The following PCDH15 variants were observed in gnomAD, a reference collection of about 807,000 sequenced individuals.
The protein encoded by PCDH15 is protocadherin-15.
A neutral mutation model predicts 178.5 loss-of-function variants in PCDH15; 129 were observed. The ratio of observed to expected loss-of-function variants is 0.72; its 90% CI spans 0.63 to 0.84. PCDH15 has a LOEUF of 0.84. Ranked by LOEUF, PCDH15 falls within the 40% of genes least tolerant of loss-of-function variation. The pLI is 0.00. For missense variants in PCDH15, 2,230 were observed against 2,099.9 expected (o/e 1.06, Z -1.21); for synonymous variants, 800 against 732.0 (o/e 1.09, Z -1.50).
chr10:54,773,675 AAT>A (rs1445740171), intron 1 of PCDH15, among the ~76,000 whole-genome samples: 1 of 152,198 alleles, frequency 6.6e-6, no homozygotes, highest in East Asian at 1.9e-4. Flanking sequence ...TTCTTCCATG[AAT>A]ATGTTAAACC....
intron 3 of PCDH15, among the ~76,000 whole-genome samples, chr10:54,879,985 T>G (rs1054369913): frequency 2.0e-5 from 3 of 151,860 alleles, no homozygotes; most frequent in African/African-American, 7.2e-5. Context: ...GTTTCAGTTC[T>G]TCCCTATCTA....
intron 2 of PCDH15, among the ~76,000 whole-genome samples, chr10:55,545,285 T>A (rs1051147552): frequency 2.0e-5 from 3 of 151,600 alleles, no homozygotes; most frequent in African/African-American, 7.3e-5. Context: ...TTTTTTTTTT[T>A]TAGATGGAGT....
In PCDH15 at chr10:54,729,347, G is replaced by T. The variant is rs1163300475; in HGVS notation, c.-28-65057C>A. 3.3e-5 allele frequency among the ~76,000 whole-genome samples: 5 copies of T among 151,758 alleles called. No individual in the cohort carries two copies. In the East Asian group the frequency reaches 9.7e-4, roughly 29 times the overall value. ...AACTCCCTATTCAATAAATGAAGCTGCAGCAACTGGCTAGCCCTATGCAGA... is the reference window on the plus strand; with the variant it reads ...AACTCCCTATTCAATAAATGAAGCTTCAGCAACTGGCTAGCCCTATGCAGA... On this transcript the variant is annotated intron_variant, in intron 1 of 37. Transcript: ENST00000644397.
intron 18 of PCDH15, among the ~76,000 whole-genome samples, chr10:54,053,459 A>T (rs1178515064): frequency 6.6e-6 from 1 of 152,228 alleles, no homozygotes; most frequent in Non-Finnish European, 1.5e-5. Context: ...TAGACAACAT[A>T]AATATACTCT....
At chr10:53,813,738 C>CCAAA (rs1186706396) in intron 35 of PCDH15, among the ~76,000 whole-genome samples, 1 of 152,052 alleles carries the variant, frequency 6.6e-6, no homozygotes, top group Non-Finnish European at 1.5e-5. Context: ...AATGAATCTC[C>CCAAA]CAAACAGAAT....
chr10:55,018,434 T>G (rs1478591251), intron 2 of PCDH15, among the ~76,000 whole-genome samples: 1 of 152,122 alleles, frequency 6.6e-6, no homozygotes, highest in East Asian at 1.9e-4. Flanking sequence ...TGAAGACATT[T>G]TGTAATTAAT....
chr10:54,872,930 C>T (rs1299980280), intron 3 of PCDH15, among the ~76,000 whole-genome samples: 1 of 151,890 alleles, frequency 6.6e-6, no homozygotes, highest in Non-Finnish European at 1.5e-5. Context: ...GTTGAGGCAC[C>T]AAACCAAGGT....
At chr10:54,538,024 G>A (rs1027752597) in intron 2 of PCDH15, among the ~76,000 whole-genome samples, 5 of 152,032 alleles carry the variant, frequency 3.3e-5, no homozygotes, top group Non-Finnish European at 5.9e-5. Context: ...AGACCTTTGC[G>A]GGTGCATAGT....
At chr10:54,805,554 C>G (rs913345274), upstream of PCDH15, among the ~76,000 whole-genome samples, 4 of 152,118 alleles carry the variant, frequency 2.6e-5, no homozygotes, top group Admixed American at 2.0e-4. Flanking sequence ...CTTTTATTGT[C>G]AGAATTCAAG....
Position 54,583,943 on chromosome 10 carries a change from G to A in PCDH15, c.92-56066C>T, listed in dbSNP as rs534295926. Among the ~76,000 whole-genome samples, 229 of 151,982 alleles carry A rather than the reference G, an allele frequency of 1.5e-3. 2 individuals carry two copies. Among genetic ancestry groups the A allele is most frequent in the Admixed American group, 0.013 (196 of 15,230 alleles). On this transcript the variant is annotated intron_variant, in intron 2 of 37. Transcript: ENST00000644397. ...TTAAGATTCGACTAAAAGATCAATA[G>A]AAAAATATTTGATCTAAAGAAAGAA...
At chr10:54,798,764 A>G (rs1224658815) in intron 1 of PCDH15, among the ~76,000 whole-genome samples, 5 of 152,128 alleles carry the variant, frequency 3.3e-5, no homozygotes, top group African/African-American at 1.2e-4. Flanking sequence ...AAAACCATGT[A>G]TTTCTCCCAG....
At chr10:54,079,494 T>C (rs1293048790) in intron 16 of PCDH15, 70 bp from the exon 17 acceptor site, 21 of 1,391,994 alleles carry the variant, frequency 1.5e-5, no homozygotes, top group Non-Finnish European at 2.0e-5. Flanking sequence ...CTTCTTAGTA[T>C]AGTGAATTAC....
chr10:54,249,112 G>T (rs1425522760), intron 8 of PCDH15, among the ~76,000 whole-genome samples: 1 of 151,820 alleles, frequency 6.6e-6, no homozygotes, highest in East Asian at 1.9e-4. Flanking sequence ...AATATTTAAG[G>T]TATTTTGTAT....
chr10:55,202,353 A>G (rs1396718642), intron 1 of PCDH15, among the ~76,000 whole-genome samples: 1 of 152,088 alleles, frequency 6.6e-6, no homozygotes, highest in Non-Finnish European at 1.5e-5. Flanking sequence ...TCCATCACCC[A>G]TGGCAGATAT....
At chr10:55,590,801 C>A (rs1300898065) in intron 2 of PCDH15, among the ~76,000 whole-genome samples, 3 of 152,024 alleles carry the variant, frequency 2.0e-5, no homozygotes, top group Admixed American at 6.6e-5. Flanking sequence ...TTTCTTTTTT[C>A]TTTAAAAACT....
At chr10:53,886,027 T>C (rs531982129) in intron 26 of PCDH15, among the ~76,000 whole-genome samples, 1 of 152,288 alleles carries the variant, frequency 6.6e-6, no homozygotes, top group East Asian at 1.9e-4. Context: ...GTGTTTTTAA[T>C]AACATGTATG....
chr10:54,417,652 T>A (rs1954635029), intron 3 of PCDH15, among the ~76,000 whole-genome samples: 1 of 152,198 alleles, frequency 6.6e-6, no homozygotes, highest in Non-Finnish European at 1.5e-5. Context: ...GAATGTATAT[T>A]AACATTATTT....
intron 20 of PCDH15, among the ~76,000 whole-genome samples, chr10:54,003,736 C>CAAA (rs55871741): frequency 5.5e-4 from 42 of 76,198 alleles, no homozygotes; most frequent in South Asian, 1.2e-3. Context: ...CAAACTATTC[C>CAAA]AAAAAAAAAA....
chr10:54,716,233 G>A (rs117879454), intron 1 of PCDH15, among the ~76,000 whole-genome samples: 3,487 of 152,160 alleles, frequency 0.023, 52 homozygotes, highest in Middle Eastern at 0.054. Flanking sequence ...ATCAACCCAT[G>A]GTCTGAGGCA....
Sources: allele counts gnomAD v4.1 joint callset (sites outside exome capture counted in the v4.1 genomes callset), GRCh38; gene constraint gnomAD v4.1.1; transcripts MANE v1.5; gene names NCBI Gene and HGNC (gene_info 2026-07-23, HGNC 2026-07-21).